The following MACROD2 variants were observed in gnomAD, a reference collection of about 807,000 sequenced individuals.
The protein encoded by MACROD2 is ADP-ribose glycohydrolase MACROD2.
A neutral mutation model predicts 70.4 loss-of-function variants in MACROD2; 36 were observed. The ratio of observed to expected loss-of-function variants is 0.51; its 90% CI spans 0.39 to 0.68. The LOEUF is 0.68. Among genes scored for constraint, MACROD2 ranks in the 30% least tolerant of loss-of-function variants. The pLI is 0.00. For synonymous variants in MACROD2, 172 were observed against 178.8 expected (o/e 0.96, Z 0.30); for missense variants, 496 against 538.4 (o/e 0.92, Z 0.78).
At chr20:15,858,168 G>A (rs2064378858) in intron 8 of MACROD2, among the ~76,000 whole-genome samples, 1 of 151,928 alleles carries the variant, frequency 6.6e-6, no homozygotes, top group African/African-American at 2.4e-5. Flanking sequence ...ATAAGTGAAT[G>A]GCATATAGGC....
chr20:15,360,208 G>T (rs899777794), intron 6 of MACROD2, among the ~76,000 whole-genome samples: 1 of 152,126 alleles, frequency 6.6e-6, no homozygotes, highest in Admixed American at 6.6e-5. Context: ...ATTGCAGAGT[G>T]GTAGTCAATA....
intron 5 of MACROD2, among the ~76,000 whole-genome samples, chr20:14,795,906 A>G (rs6042926): frequency 0.09 from 13,682 of 152,028 alleles, 832 homozygotes; most frequent in African/African-American, 0.16. Context: ...TAAAGGAGCC[A>G]AGTGTATCTT....
intron 7 of MACROD2, among the ~76,000 whole-genome samples, chr20:15,433,203 G>C (rs1298061824): frequency 6.6e-6 from 1 of 151,976 alleles, no homozygotes; most frequent in Non-Finnish European, 1.5e-5. Context: ...ATTTTAGCCA[G>C]AGCAATCAGA....
chr20:15,020,824 C>T (rs1334325351), intron 5 of MACROD2, among the ~76,000 whole-genome samples: 1 of 151,458 alleles, frequency 6.6e-6, no homozygotes, highest in African/African-American at 2.4e-5. Flanking sequence ...TATAAGACAC[C>T]ATTGTCATAT....
At chr20:15,958,900 T>C (rs1188241100) in intron 12 of MACROD2, among the ~76,000 whole-genome samples, 1 of 152,154 alleles carries the variant, frequency 6.6e-6, no homozygotes, top group Non-Finnish European at 1.5e-5. Context: ...CAAGAGAGCC[T>C]TCGCTGGAAA....
chr20:15,948,610 A>G (rs951039165), intron 12 of MACROD2, among the ~76,000 whole-genome samples: 5 of 152,150 alleles, frequency 3.3e-5, no homozygotes, highest in African/African-American at 1.2e-4. Context: ...GACTTTTCCT[A>G]TTTGTTCACT....
chr20:14,920,718 T>C (rs924338317), intron 5 of MACROD2, among the ~76,000 whole-genome samples: 1 of 152,182 alleles, frequency 6.6e-6, no homozygotes, highest in Admixed American at 6.6e-5. Flanking sequence ...TATTTAATAT[T>C]GCTACCATTT....
intron 15 of MACROD2, among the ~76,000 whole-genome samples, chr20:16,004,494 C>T (rs1319070704): frequency 6.6e-6 from 1 of 152,198 alleles, no homozygotes; most frequent in Admixed American, 6.5e-5. Flanking sequence ...ATGTCATGCT[C>T]GGGGTCAGGT....
intron 3 of MACROD2, among the ~76,000 whole-genome samples, chr20:14,462,538 A>C (rs886338537): frequency 1.3e-4 from 19 of 151,980 alleles, no homozygotes; most frequent in Non-Finnish European, 2.1e-4. Flanking sequence ...CTTTAGTTTA[A>C]TTAGATCCCA....
chr20:15,360,733 C>T (rs1600292421), intron 6 of MACROD2, among the ~76,000 whole-genome samples: 1 of 152,046 alleles, frequency 6.6e-6, no homozygotes, highest in East Asian at 1.9e-4. Flanking sequence ...AGCGTTCTTC[C>T]CCCTACCTGT....
intron 4 of MACROD2, among the ~76,000 whole-genome samples, chr20:14,598,900 C>T (rs1428891940): frequency 1.3e-5 from 2 of 152,056 alleles, no homozygotes. Context: ...AAGAGTTATA[C>T]TCGAAGCACA....
chr20:15,054,802 G>GTTTTT (rs1461480564), intron 5 of MACROD2, among the ~76,000 whole-genome samples: 1 of 152,042 alleles, frequency 6.6e-6, no homozygotes, highest in African/African-American at 2.4e-5. Flanking sequence ...GTTTTGTTTT[G>GTTTTT]AGATGGAGTC....
intron 4 of MACROD2, among the ~76,000 whole-genome samples, chr20:14,599,550 G>A (rs955461700): frequency 6.6e-6 from 1 of 152,208 alleles, no homozygotes; most frequent in Non-Finnish European, 1.5e-5. Context: ...GGAAAAATAG[G>A]TAGAGACTGG....
At chr20:15,345,302 T>A (rs1169868984) in intron 6 of MACROD2, among the ~76,000 whole-genome samples, 1 of 152,008 alleles carries the variant, frequency 6.6e-6, no homozygotes, top group African/African-American at 2.4e-5. Context: ...ACTATACTTC[T>A]CTTATGTGCC....
chr20:15,157,292 G>A (rs1040684772), intron 5 of MACROD2, among the ~76,000 whole-genome samples: 4 of 150,636 alleles, frequency 2.7e-5, no homozygotes, highest in African/African-American at 4.9e-5. Context: ...AGAGAGAAGG[G>A]CACTAATCCT....
At chr20:15,137,525 C>G (rs1455543229) in intron 5 of MACROD2, among the ~76,000 whole-genome samples, 1 of 126,384 alleles carries the variant, frequency 7.9e-6, no homozygotes, top group Non-Finnish European at 1.5e-5. Context: ...CACATGGACA[C>G]AGGAAAGGGA....
chr20:14,839,099 G>C (rs143858537), intron 5 of MACROD2, among the ~76,000 whole-genome samples: 1 of 152,042 alleles, frequency 6.6e-6, no homozygotes, highest in African/African-American at 2.4e-5. Flanking sequence ...CGTAGGGGTC[G>C]TTTGGGCTAT....
chr20:15,977,826 A>C (rs2066331486), intron 13 of MACROD2, among the ~76,000 whole-genome samples: 1 of 152,222 alleles, frequency 6.6e-6, no homozygotes, highest in South Asian at 2.1e-4. Context: ...AGTAGATCTC[A>C]ATTTTAAAAG....
intron 5 of MACROD2, among the ~76,000 whole-genome samples, chr20:14,738,497 T>C (rs1388311293): frequency 6.6e-6 from 1 of 152,084 alleles, no homozygotes; most frequent in Non-Finnish European, 1.5e-5. Context: ...CCCTCCGTTA[T>C]TTTTCCCCTC....
Sources: gnomAD v4.1 joint callset for allele counts (sites outside exome capture counted in the v4.1 genomes callset) on GRCh38, gnomAD v4.1.1 for gene constraint, MANE v1.5 for transcripts, NCBI Gene and HGNC (gene_info 2026-07-23, HGNC 2026-07-21) for gene names.